Variants in UTRN observed in about 807,000 individuals in gnomAD.
UTRN encodes the protein utrophin.
UTRN carries 283 observed loss-of-function variants against 463.9 expected under a neutral mutation model. The ratio of observed to expected loss-of-function variants is 0.61; its 90% CI spans 0.55 to 0.67. UTRN has a LOEUF of 0.67. UTRN is among the 30% of genes least tolerant of loss of function. UTRN has a pLI of 0.00. For synonymous variants in UTRN, 1,442 were observed against 1,431.5 expected (o/e 1.01, Z -0.17); for missense variants, 3,922 against 4,084.3 (o/e 0.96, Z 1.08).
chr6:144,474,874 C>T (rs1447031738), intron 25 of UTRN, 115 bp downstream of exon 25: 1 of 1,223,290 alleles, frequency 8.2e-7, no homozygotes, highest in Non-Finnish European at 1.1e-6. Flanking sequence ...TCTAGAATAA[C>T]TCCAGCATGG....
intron 53 of UTRN, among the ~76,000 whole-genome samples, chr6:144,711,451 G>A (rs1785698989): frequency 6.6e-6 from 1 of 152,164 alleles, no homozygotes; most frequent in African/African-American, 2.4e-5. Context: ...AGAAGCTGAG[G>A]TCACTTATAT....
chr6:144,820,830 G>GT, intron 65 of UTRN, 52 bp from the exon 66 acceptor site: 1 of 1,577,014 alleles, frequency 6.3e-7, no homozygotes, highest in Non-Finnish European at 8.6e-7. Context: ...GTTATAGATA[G>GT]TTATTGCCTT....
intron 62 of UTRN, among the ~76,000 whole-genome samples, chr6:144,790,866 A>G (rs1277948566): frequency 6.6e-6 from 1 of 152,212 alleles, no homozygotes; most frequent in African/African-American, 2.4e-5. Flanking sequence ...TAACAGTTAT[A>G]GTGTGGAGCT....
chr6:144,634,451 T>C (rs148670591), intron 51 of UTRN, among the ~76,000 whole-genome samples: 271 of 152,324 alleles, frequency 1.8e-3, no homozygotes, highest in African/African-American at 6.3e-3. Flanking sequence ...GCGTAAGTTC[T>C]TTTCTGTTTC....
At chr6:144,550,255 A>G (rs1296055954) in intron 47 of UTRN, among the ~76,000 whole-genome samples, 1 of 152,194 alleles carries the variant, frequency 6.6e-6, no homozygotes, top group East Asian at 1.9e-4. Context: ...TAGAAGTAAT[A>G]TTTGACACCA....
At chr6:144,846,232 T>C (rs527827688) in intron 73 of UTRN, among the ~76,000 whole-genome samples, 1 of 152,332 alleles carries the variant, frequency 6.6e-6, no homozygotes, top group South Asian at 2.1e-4. Flanking sequence ...TGCCATATTC[T>C]AACTTCTCCG....
At chr6:144,384,430 T>G (rs573564160) in intron 2 of UTRN, among the ~76,000 whole-genome samples, 2 of 152,314 alleles carry the variant, frequency 1.3e-5, no homozygotes, top group East Asian at 3.9e-4. Flanking sequence ...TAATGCCTGA[T>G]GATCTGTGGT....
chr6:144,573,505 T>C (rs1317151392), intron 50 of UTRN, among the ~76,000 whole-genome samples: 1 of 151,764 alleles, frequency 6.6e-6, no homozygotes, highest in Admixed American at 6.6e-5. Context: ...ACCAGCCTAG[T>C]CAACATGGTG....
intron 45 of UTRN, among the ~76,000 whole-genome samples, chr6:144,542,540 G>C (rs540184553): frequency 2.0e-5 from 3 of 152,158 alleles, no homozygotes; most frequent in East Asian, 3.8e-4. Flanking sequence ...ATTCAAGGGA[G>C]GGGGAGTGGA....
chr6:144,287,026 C>G (rs1366283601), intron 1 of UTRN, among the ~76,000 whole-genome samples: 1 of 152,102 alleles, frequency 6.6e-6, no homozygotes, highest in Middle Eastern at 3.4e-3. Flanking sequence ...CCGACCCTCC[C>G]GGCCGCCCGG....
chr6:144,604,652 G>A lies in UTRN; in HGVS notation c.7479+27364G>A, dbSNP rs147402673. On this transcript the variant is annotated intron_variant, in intron 51 of 74. Transcript: ENST00000367545. The stretch of plus-strand genomic sequence containing the variant: ...AAAAAGGCCAGGCGTGGTGACTCAT[G>A]CTTGTAATCCCAGCACTTTGGGAGG... 2.6e-5 allele frequency among the ~76,000 whole-genome samples: 4 copies of A among 152,198 alleles called. No homozygotes were observed. In the East Asian group the frequency reaches 7.7e-4, roughly 29 times the overall value.
At chr6:144,640,196 C>A (rs1777629520) in intron 51 of UTRN, among the ~76,000 whole-genome samples, 1 of 152,122 alleles carries the variant, frequency 6.6e-6, no homozygotes. Flanking sequence ...AACATCTCCC[C>A]CCTCCACCTT....
intron 32 of UTRN, among the ~76,000 whole-genome samples, chr6:144,491,812 G>T (rs2128579555): frequency 6.6e-6 from 1 of 152,212 alleles, no homozygotes. Flanking sequence ...ATCAGAGAAA[G>T]TGCTGTCCTT....
chr6:144,566,141 G>A (rs1410924547), intron 50 of UTRN, among the ~76,000 whole-genome samples: 1 of 152,174 alleles, frequency 6.6e-6, no homozygotes, highest in East Asian at 1.9e-4. Context: ...GAGTTTAGAT[G>A]TACGTGAACT....
intron 52 of UTRN, among the ~76,000 whole-genome samples, chr6:144,680,625 C>T (rs187030239): frequency 9.5e-4 from 145 of 152,114 alleles, no homozygotes; most frequent in African/African-American, 3.3e-3. Context: ...TAGTCCCTAC[C>T]CCTAGAGGTT....
chr6:144,820,410 A>T (rs1168702169), intron 65 of UTRN, among the ~76,000 whole-genome samples: 1 of 152,206 alleles, frequency 6.6e-6, no homozygotes, highest in Admixed American at 6.5e-5. Context: ...TCCCCACTAG[A>T]ATATATGCTG....
rs1489156989 is a variant in UTRN, at chr6:144,583,454, A to G, written c.7479+6166A>G. ...AGGAAATGATCGTTGCTCTTCATTT[A>G]TAATGCAAATTCTGAGGTGTCTCCA... On this transcript the variant is annotated intron_variant, in intron 51 of 74. Transcript: ENST00000367545. The G allele has an allele frequency of 4.3e-6, 3 of 693,682 alleles. No individual in the cohort carries two copies. The South Asian group carries it at 4.7e-5, about 11-fold the overall frequency. The allele number at this position is 693,682 out of a possible 1,614,324, so 43.0% of individuals were successfully genotyped here.
chr6:144,734,629 C>A (rs955916620), intron 54 of UTRN, among the ~76,000 whole-genome samples: 1 of 152,202 alleles, frequency 6.6e-6, no homozygotes. Flanking sequence ...GTCCTGTCAT[C>A]ACTACATTCA....
chr6:144,557,377 C>G, intron 50 of UTRN, 66 bp downstream of exon 50: 3 of 1,524,874 alleles, frequency 2.0e-6, no homozygotes, highest in Non-Finnish European at 2.6e-6. Flanking sequence ...CTTTGGCTTT[C>G]TCGTGGAAAC....
Sources: gnomAD v4.1 joint callset for allele counts (sites outside exome capture counted in the v4.1 genomes callset) on GRCh38, gnomAD v4.1.1 for gene constraint, MANE v1.5 for transcripts, NCBI Gene and HGNC (gene_info 2026-07-23, HGNC 2026-07-21) for gene names.